Variants in GHR observed in about 807,000 individuals in gnomAD.
GHR encodes the protein GH receptor.
In GHR, 35 loss-of-function variants were observed where a neutral mutation model predicts 67.1. The ratio of observed to expected loss-of-function variants is 0.52; its 90% CI spans 0.40 to 0.69. The LOEUF (loss-of-function observed/expected upper bound fraction) is 0.69, where lower values mean the gene tolerates loss of function less well. Ranked by LOEUF, GHR falls within the 30% of genes least tolerant of loss-of-function variation. GHR has a pLI of 0.00. For synonymous variants in GHR, 272 were observed against 269.1 expected (o/e 1.01, Z -0.10); for missense variants, 792 against 764.6 (o/e 1.04, Z -0.42).
intron 1 of GHR, among the ~76,000 whole-genome samples, chr5:42,539,113 G>A (rs1294128258): frequency 8.6e-5 from 13 of 151,730 alleles, no homozygotes; most frequent in South Asian, 4.2e-4. Context: ...ATTTCCTTGC[G>A]TTGGGCTTCA....
chr5:42,647,106 G>A (rs1754770079), intron 3 of GHR, among the ~76,000 whole-genome samples: 2 of 152,122 alleles, frequency 1.3e-5, no homozygotes, highest in Non-Finnish European at 2.9e-5. Flanking sequence ...ATTATAGTAT[G>A]TGGGTGATGC....
chr5:42,674,340 A>T (rs1756464267), intron 3 of GHR, among the ~76,000 whole-genome samples: 1 of 152,204 alleles, frequency 6.6e-6, no homozygotes, highest in Non-Finnish European at 1.5e-5. Flanking sequence ...TATGTTTTAG[A>T]TAGTTTTTTT....
At position 42,608,368 on chromosome 5, in the gene GHR, G is replaced by T. The variant is rs149716486; in HGVS notation, c.71-20670G>T. Among the ~76,000 whole-genome samples, 660 of 151,902 alleles carry T rather than the reference G, an allele frequency of 4.3e-3. 4 individuals carry two copies. Among genetic ancestry groups the T allele is most frequent in the African/African-American group, 0.015 (638 of 41,406 alleles). On this transcript the variant is annotated intron_variant, in intron 2 of 9. Coordinates refer to ENST00000230882, the MANE Select transcript of GHR (RefSeq NM_000163.5). Reference sequence around the variant, plus strand: ...CAAAGTTAATCGCTCAGCAGTGTTTGTTACATTTCAAGTAGCAACCATCAT... The same window carrying T: ...CAAAGTTAATCGCTCAGCAGTGTTTTTTACATTTCAAGTAGCAACCATCAT...
At chr5:42,566,435 T>C (rs1297924356) in intron 2 of GHR, among the ~76,000 whole-genome samples, 1 of 152,230 alleles carries the variant, frequency 6.6e-6, no homozygotes, top group East Asian at 1.9e-4. Flanking sequence ...TTTGGCTAAG[T>C]TGAGGAAAGA....
At position 42,502,866 on chromosome 5, in the gene GHR, T is replaced by G. The variant is rs562163751; in HGVS notation, c.-11-62998T>G. 6.0e-5 allele frequency among the ~76,000 whole-genome samples: 9 copies of G among 149,814 alleles called. No homozygotes were observed. In the South Asian group the frequency reaches 6.3e-4, roughly 10 times the overall value. On this transcript the variant is annotated intron_variant, in intron 1 of 9. Coordinates refer to ENST00000230882, the MANE Select transcript of GHR (RefSeq NM_000163.5). ...AATAATAATTATTTTTATTAATTTA[T>G]ACATATGTATAATTTATGTTTTCTC...
intron 1 of GHR, among the ~76,000 whole-genome samples, chr5:42,452,580 CTT>C (rs1744095546): frequency 1.3e-5 from 2 of 152,058 alleles, no homozygotes; most frequent in African/African-American, 4.8e-5. Context: ...TTCGTGGAAA[CTT>C]TGTTCATTTT....
At chr5:42,586,328 C>A (rs921587818) in intron 2 of GHR, among the ~76,000 whole-genome samples, 2 of 152,162 alleles carry the variant, frequency 1.3e-5, no homozygotes, top group Non-Finnish European at 2.9e-5. Flanking sequence ...GGGTGCCAAG[C>A]TTTTGGGTAA....
chr5:42,694,804 C>T (rs1201479632), intron 4 of GHR, 113 bp from the exon 5 acceptor site: 1 of 830,984 alleles, frequency 1.2e-6, no homozygotes, highest in African/African-American at 1.7e-5. Context: ...AATACCTCTT[C>T]ACAAAATATT....
chr5:42,568,926 C>A (rs1403878381), intron 2 of GHR, among the ~76,000 whole-genome samples: 1 of 152,202 alleles, frequency 6.6e-6, no homozygotes, highest in Non-Finnish European at 1.5e-5. Flanking sequence ...CCTCAAGGAA[C>A]TTTTCATGGG....
At chr5:42,440,770 G>T (rs1237817879) in intron 1 of GHR, among the ~76,000 whole-genome samples, 1 of 152,202 alleles carries the variant, frequency 6.6e-6, no homozygotes, top group African/African-American at 2.4e-5. Flanking sequence ...AAGATTGAAA[G>T]GAGTTAATAG....
rs556757091 is a variant in GHR, at chr5:42,695,953, AC to A, written c.439+865del. On this transcript the variant is annotated intron_variant, in intron 5 of 9. Transcript: ENST00000230882. ...ATGTGGCTAGAACTTACAGATAGAAACAAATAAAATCTAATAGGCTGACTTT... is the reference window on the plus strand; with the variant it reads ...ATGTGGCTAGAACTTACAGATAGAAAAAATAAAATCTAATAGGCTGACTTT... Among the ~76,000 whole-genome samples the A allele has an allele frequency of 5.9e-5, 9 of 152,360 alleles. 1 individual carries two copies. In the South Asian group the frequency reaches 1.9e-3, roughly 32 times the overall value.
At chr5:42,550,046 T>C in intron 1 of GHR, 5 of 931,120 alleles carry the variant, frequency 5.4e-6, no homozygotes, top group Non-Finnish European at 6.4e-6. Context: ...TGCCCGCACT[T>C]GTTATGATTT....
chr5:42,543,119 A>G (rs1421009561), intron 1 of GHR, among the ~76,000 whole-genome samples: 1 of 152,166 alleles, frequency 6.6e-6, no homozygotes, highest in Non-Finnish European at 1.5e-5. Flanking sequence ...TCTTTTTGAT[A>G]TAATGACTTA....
chr5:42,608,252 T>C (rs1454611532), intron 2 of GHR, among the ~76,000 whole-genome samples: 1 of 152,224 alleles, frequency 6.6e-6, no homozygotes, highest in Non-Finnish European at 1.5e-5. Flanking sequence ...TGTTAACATC[T>C]ACACTAGACC....
intron 3 of GHR, among the ~76,000 whole-genome samples, chr5:42,683,609 G>A (rs1323302749): frequency 6.6e-6 from 1 of 152,044 alleles, no homozygotes; most frequent in Non-Finnish European, 1.5e-5. Flanking sequence ...GTCTGCCACA[G>A]CACTTAACAG....
At chr5:42,689,534 C>A (rs910650668) in intron 4 of GHR, among the ~76,000 whole-genome samples, 1 of 152,006 alleles carries the variant, frequency 6.6e-6, no homozygotes, top group Non-Finnish European at 1.5e-5. Context: ...TGTCCTAGAC[C>A]AGAGACATAA....
At chr5:42,636,674 T>C (rs1580100338) in intron 3 of GHR, among the ~76,000 whole-genome samples, 1 of 152,182 alleles carries the variant, frequency 6.6e-6, no homozygotes, top group African/African-American at 2.4e-5. Context: ...ATAATGTACA[T>C]TTATGCACTG....
chr5:42,610,443 C>A (rs547171929), intron 2 of GHR, among the ~76,000 whole-genome samples: 2 of 152,248 alleles, frequency 1.3e-5, no homozygotes, highest in East Asian at 3.9e-4. Context: ...TAGTGGCTGA[C>A]TAGGTAAAAT....
intron 7 of GHR, among the ~76,000 whole-genome samples, chr5:42,712,536 T>C (rs1758514137): frequency 6.6e-6 from 1 of 152,156 alleles, no homozygotes; most frequent in African/African-American, 2.4e-5. Context: ...TTAAAATGCT[T>C]ATAATATCTC....
Sources: gnomAD v4.1 joint callset for allele counts (sites outside exome capture counted in the v4.1 genomes callset) on GRCh38, gnomAD v4.1.1 for gene constraint, MANE v1.5 for transcripts, NCBI Gene and HGNC (gene_info 2026-07-23, HGNC 2026-07-21) for gene names.